The following BLZF1 variants were observed in gnomAD, a reference collection of about 807,000 sequenced individuals.
BLZF1 encodes basic leucine zipper nuclear factor 1.
BLZF1 carries 39 observed loss-of-function variants against 43.8 expected under a neutral mutation model. That is an observed-to-expected ratio of 0.89 (90% CI 0.69 to 1.16). The LOEUF (loss-of-function observed/expected upper bound fraction) is 1.16. Among genes scored for constraint, BLZF1 ranks in the 50% most tolerant of loss-of-function variants. The pLI, the probability that BLZF1 is intolerant of heterozygous loss-of-function variation, is 0.00. For synonymous variants in BLZF1, 136 were observed against 159.4 expected, an observed-to-expected ratio of 0.85 and a Z score of 1.11; for missense variants, 449 against 469.8, an observed-to-expected ratio of 0.96 and a Z score of 0.41.
At chr1:169,388,619 C>G (rs1654737889), downstream of BLZF1, among the ~76,000 whole-genome samples, 1 of 152,150 alleles carries the variant, frequency 6.6e-6, no homozygotes, top group Admixed American at 6.5e-5. Flanking sequence ...AATCATATAT[C>G]TGATAACTGT....
chr1:169,386,354 G>T (rs567977898), intron 6 of BLZF1, among the ~76,000 whole-genome samples: 1 of 151,836 alleles, frequency 6.6e-6, no homozygotes, highest in East Asian at 1.9e-4. Flanking sequence ...ATTGAAGAGG[G>T]GAAGTAGTAA....
intron 2 of BLZF1, among the ~76,000 whole-genome samples, chr1:169,375,815 C>T (rs1050124228): frequency 4.7e-5 from 7 of 150,142 alleles, no homozygotes; most frequent in African/African-American, 1.5e-4. Flanking sequence ...TATATATATA[C>T]ACACACACTA....
Position 169,387,152 on chromosome 1 carries a change from T to A in BLZF1, c.1173T>A (p.Asn391Lys). Reference sequence around the variant, plus strand: ...AAAATATAACTTTCAATTGCTGCAATCACTGCCGGGGAGAACTGATTGCCC... The same window carrying A: ...AAAATATAACTTTCAATTGCTGCAAACACTGCCGGGGAGAACTGATTGCCC... ...RYENITFNCC[N>K]HCRGELIAL The change falls in exon 7 of 7, where the codon AAT becomes AAA. Residue 391 changes from asparagine to lysine, a missense_variant. Transcript: ENST00000367808. The A allele has an allele frequency of 1.2e-6, 2 of 1,613,430 alleles. No individual in the cohort carries two copies. The highest frequency in any genetic ancestry group is 1.7e-6 in the Non-Finnish European group (2 of 1,179,840).
chr1:169,388,510 G>GA (rs1571446209), downstream of BLZF1, among the ~76,000 whole-genome samples: 1 of 152,042 alleles, frequency 6.6e-6, no homozygotes, highest in African/African-American at 2.4e-5. Context: ...GGCAACAAAA[G>GA]AAAAAATAGA....
At position 169,369,437 on chromosome 1, in the gene BLZF1, T is replaced by C. The variant is rs1006275085; in HGVS notation, c.-50-36T>C. ...GGAGGTACTCTATGTGTTTATATGA[T>C]ATTTTTAAAATTATTTCATATGCAT... On this transcript the variant is annotated intron_variant, in intron 1 of 6. Transcript: ENST00000367808. 9 of 1,148,844 alleles carry C rather than the reference T, an allele frequency of 7.8e-6. No individual in the cohort carries two copies. The African/African-American group carries it at 1.3e-4, about 16-fold the overall frequency. 71.2% of individuals were successfully genotyped at this position (1,148,844 alleles called of 1,614,324 possible).
At chr1:169,370,939 G>A (rs1024557077) in intron 2 of BLZF1, among the ~76,000 whole-genome samples, 1 of 152,114 alleles carries the variant, frequency 6.6e-6, no homozygotes. Flanking sequence ...TCCTGACCCA[G>A]CTTATTCTTT....
chr1:169,377,858 C>G (rs949578785), intron 3 of BLZF1, among the ~76,000 whole-genome samples: 8 of 151,860 alleles, frequency 5.3e-5, no homozygotes, highest in African/African-American at 1.9e-4. Context: ...TAATTTTTTG[C>G]TCTTTTCAGT....
At chr1:169,382,682 A>G (rs1471743975) in intron 6 of BLZF1, among the ~76,000 whole-genome samples, 1 of 152,190 alleles carries the variant, frequency 6.6e-6, no homozygotes, top group East Asian at 1.9e-4. Flanking sequence ...ATCAAATACT[A>G]CAGTACAGAT....
intron 6 of BLZF1, among the ~76,000 whole-genome samples, chr1:169,383,881 T>G (rs1416276646): frequency 6.6e-6 from 1 of 152,176 alleles, no homozygotes. Flanking sequence ...CCTCTTCCTG[T>G]GACCCCTCTT....
rs1169311367 is a variant in BLZF1 at position 169,388,053 on chromosome 1, A to G, written c.*871A>G. 6.6e-6 allele frequency: 1 copy of G among 152,160 alleles called. No individual in the cohort carries two copies. The highest frequency in any genetic ancestry group is 1.5e-5 in the Non-Finnish European group (1 of 68,026). 9.4% of individuals were successfully genotyped at this position (152,160 alleles called of 1,614,324 possible). A position where few individuals can be genotyped will look rare whatever the true frequency, so the allele number is the denominator to read the frequency against. ...GAAAAAATGCAACCTGTCAATTAATATATACTATGTAATATATATTATTGT... is the reference window on the plus strand; with the variant it reads ...GAAAAAATGCAACCTGTCAATTAATGTATACTATGTAATATATATTATTGT... On this transcript the variant is annotated 3_prime_UTR_variant, in exon 7 of 7. Coordinates refer to ENST00000367808, the MANE Select transcript of BLZF1 (RefSeq NM_001320973.2).
chr1:169,376,321 A>G (rs558236926), intron 2 of BLZF1, among the ~76,000 whole-genome samples: 1 of 152,236 alleles, frequency 6.6e-6, no homozygotes, highest in South Asian at 2.1e-4. Flanking sequence ...TAAAAGTCAG[A>G]ACCAAATATT....
chr1:169,396,091 T>C (rs1655017233), exon 8 of BLZF1: 1 of 152,188 alleles, frequency 6.6e-6, no homozygotes, highest in Non-Finnish European at 1.5e-5. Context: ...AAATACAGTA[T>C]GATCTCAGTA....
Position 169,387,123 on chromosome 1 carries a change from TA to T in BLZF1, c.1145del (p.Tyr382LeufsTer4), listed in dbSNP as rs1557851596. 2 of 1,613,232 alleles carry T rather than the reference TA, an allele frequency of 1.2e-6. No homozygotes were observed. The highest frequency in any genetic ancestry group is 1.3e-5 in the African/African-American group (1 of 74,862). Reference sequence around the variant, plus strand: ...TGGACGATTTCATCCCTATACTAGATATGAAAATATAACTTTCAATTGCTGC... The same window carrying T: ...TGGACGATTTCATCCCTATACTAGATTGAAAATATAACTTTCAATTGCTGC... ...NIGRFHPYTRYENITFNCCNH... is the reference protein window; with the variant it reads ...NIGRFHPYTRXENITFNCCNH... On this transcript the variant is annotated frameshift_variant, in exon 7 of 7. Transcript: ENST00000367808. LOFTEE classifies it high-confidence loss of function.
downstream of BLZF1, among the ~76,000 whole-genome samples, chr1:169,389,657 G>A (rs1454487673): frequency 2.0e-5 from 3 of 152,174 alleles, no homozygotes. Flanking sequence ...GTACAACAGT[G>A]TTCACAGCTG....
chr1:169,386,316 A>G (rs1394700428), intron 6 of BLZF1, among the ~76,000 whole-genome samples: 2 of 152,156 alleles, frequency 1.3e-5, no homozygotes, highest in African/African-American at 4.8e-5. Flanking sequence ...TAAAAACAAA[A>G]TCCTGATTCT....
intron 7 of BLZF1, chr1:169,394,934 A>G: frequency 3.0e-6 from 3 of 994,056 alleles, no homozygotes; most frequent in South Asian, 4.3e-5. Context: ...CACTGTCAAT[A>G]AAAGATAAAT....
rs548356529 is a variant in BLZF1 at position 169,376,872 on chromosome 1, A to G, written c.361A>G (p.Lys121Glu). The G allele has an allele frequency of 1.9e-6, 3 of 1,613,284 alleles. No individual in the cohort carries two copies. The African/African-American group carries it at 4.0e-5, about 22-fold the overall frequency. ...GTCAGAGGGAGTTATAGAACCTAAT[A>G]AGGAACTCTCAGAGGTAAAGAATGT... is the stretch of plus-strand genomic sequence containing the variant. ...GQSEGVIEPN[K>E]ELSEVKNVLE... Residue 121 changes from lysine to glutamate, a missense_variant, in exon 3 of 7, where the codon AAG becomes GAG. Lys to Glu is a moderately conservative substitution (Grantham distance 56). Coordinates refer to ENST00000367808, the MANE Select transcript of BLZF1 (RefSeq NM_001320973.2).
intron 7 of BLZF1, among the ~76,000 whole-genome samples, chr1:169,393,376 T>C (rs889168342): frequency 4.0e-4 from 60 of 150,916 alleles, no homozygotes; most frequent in African/African-American, 1.4e-3. Flanking sequence ...TCAGCTGAGG[T>C]CAGGAGTTTG....
intron 2 of BLZF1, among the ~76,000 whole-genome samples, chr1:169,372,657 G>A (rs1012402171): frequency 7.9e-5 from 12 of 152,100 alleles, no homozygotes; most frequent in Non-Finnish European, 1.6e-4. Flanking sequence ...CACAATACAT[G>A]GCAGTAGGGA....
Sources: allele counts gnomAD v4.1 joint callset (sites outside exome capture counted in the v4.1 genomes callset), GRCh38; gene constraint gnomAD v4.1.1; transcripts MANE v1.5; gene names NCBI Gene and HGNC (gene_info 2026-07-23, HGNC 2026-07-21).